The following TNNI1 variants were observed in gnomAD, a reference collection of about 807,000 sequenced individuals.
TNNI1 encodes the protein troponin I, slow skeletal muscle.
Under a neutral mutation model 26.7 loss-of-function variants are expected in TNNI1, and 14 were observed. That is an observed-to-expected ratio of 0.52 (90% CI 0.35 to 0.82). The LOEUF (loss-of-function observed/expected upper bound fraction) is 0.82. Among genes scored for constraint, TNNI1 ranks in the 40% least tolerant of loss-of-function variants. The pLI is 0.01. For missense variants in TNNI1, 164 were observed against 257.0 expected (o/e 0.64, Z 2.47); for synonymous variants, 79 against 98.2 (o/e 0.80, Z 1.16).
At chr1:201,410,784 G>A (rs1260297565) in intron 7 of TNNI1, among the ~76,000 whole-genome samples, 3 of 152,196 alleles carry the variant, frequency 2.0e-5, no homozygotes, top group Non-Finnish European at 2.9e-5. Flanking sequence ...GTCTTCCCCT[G>A]CAAATGCGGC....
In TNNI1 at chr1:201,408,195, A is replaced by T. The variant is rs576120802; in HGVS notation, c.*1058T>A. 1 of 152,674 alleles carries T rather than the reference A, an allele frequency of 6.5e-6. No homozygotes were observed. Among genetic ancestry groups the T allele is most frequent in the East Asian group, 1.9e-4 (1 of 5,192 alleles). The allele number at this position is 152,674 out of a possible 1,614,324, so 9.5% of individuals were successfully genotyped here. On this transcript the variant is annotated 3_prime_UTR_variant, in exon 9 of 9. Coordinates refer to ENST00000361379, the MANE Select transcript of TNNI1 (RefSeq NM_003281.4). ...GCTCTCACCAGGCTTTGGACCCAGG[A>T]GGTAGTGGGATGGAGAAAGGACCTG... is the stretch of plus-strand genomic sequence containing the variant.
chr1:201,417,821 C>T lies in TNNI1; in HGVS notation c.-19-9G>A, dbSNP rs780373143. On this transcript the variant is annotated splice_polypyrimidine_tract_variant and intron_variant, in intron 1 of 8. Transcript: ENST00000361379. ...TGGCAGTGAGACAGCACCTAGGGGG[C>T]ACAGAGGAATCATTCATAAGGGAAA... 48 of 1,312,672 alleles carry T rather than the reference C, an allele frequency of 3.7e-5. No homozygotes were observed. The highest frequency in any genetic ancestry group is 4.4e-5 in the Non-Finnish European group (45 of 1,021,648). 81.3% of individuals were successfully genotyped at this position (1,312,672 alleles called of 1,614,324 possible). A position where few individuals can be genotyped will look rare whatever the true frequency, so the allele number is the denominator to read the frequency against.
rs1367389875 is a variant in TNNI1 at position 201,412,100 on chromosome 1, C to T, written c.280-567G>A. Among the ~76,000 whole-genome samples, 8 of 152,206 alleles carry T rather than the reference C, an allele frequency of 5.3e-5. No individual in the cohort carries two copies. The South Asian group carries it at 6.2e-4, about 12-fold the overall frequency. ...AAGTGGACAGATAAAGCCTATTAGCCGTTGCTAACACTATAGCCTTGAATA... is the reference window on the plus strand; with the variant it reads ...AAGTGGACAGATAAAGCCTATTAGCTGTTGCTAACACTATAGCCTTGAATA... On this transcript the variant is annotated intron_variant, in intron 6 of 8. Coordinates refer to ENST00000361379, the MANE Select transcript of TNNI1 (RefSeq NM_003281.4).
At chr1:201,420,223 C>T (rs1486750556) in intron 1 of TNNI1, among the ~76,000 whole-genome samples, 2 of 152,348 alleles carry the variant, frequency 1.3e-5, no homozygotes, top group Non-Finnish European at 2.9e-5. Flanking sequence ...GCCTCACTGA[C>T]AAATGCCAGA....
Position 201,406,685 on chromosome 1 carries a change from A to G in TNNI1, c.*2568T>C, listed in dbSNP as rs1256947. 0.49 allele frequency: 73,831 copies of G among 152,134 alleles called. 18,905 individuals are homozygous for G. The highest frequency in any genetic ancestry group is 0.66 in the African/African-American group (27,448 of 41,500). 9.4% of individuals were successfully genotyped at this position (152,134 alleles called of 1,614,324 possible). On this transcript the variant is annotated 3_prime_UTR_variant, in exon 9 of 9. Coordinates refer to ENST00000361379, the MANE Select transcript of TNNI1 (RefSeq NM_003281.4). ...AGGGCTCTCCAGAGGCCAGGCCCCC[A>G]GCCCAGGCCCCATTCTTGGCTACAA...
chr1:201,415,706 C>T (rs560643670), intron 3 of TNNI1, among the ~76,000 whole-genome samples: 1 of 152,122 alleles, frequency 6.6e-6, no homozygotes, highest in Non-Finnish European at 1.5e-5. Context: ...CTTGATGATC[C>T]GTCATGCTGC....
rs1662561419 is a variant in TNNI1 at position 201,408,273 on chromosome 1, G to A, written c.*980C>T. The A allele has an allele frequency of 6.6e-6, 1 of 152,448 alleles. No individual in the cohort carries two copies. Among genetic ancestry groups the A allele is most frequent in the Admixed American group, 6.5e-5 (1 of 15,284 alleles). The allele number at this position is 152,448 out of a possible 1,614,324, so 9.4% of individuals were successfully genotyped here. A position where few individuals can be genotyped will look rare whatever the true frequency, so the allele number is the denominator to read the frequency against. Reference sequence around the variant, plus strand: ...CATCTCCGGGAAAGAATCAGTCCTGGGGGATAGGACCAGTGCAGGAGTGTG... The same window carrying A: ...CATCTCCGGGAAAGAATCAGTCCTGAGGGATAGGACCAGTGCAGGAGTGTG... On this transcript the variant is annotated 3_prime_UTR_variant, in exon 9 of 9. Coordinates refer to ENST00000361379, the MANE Select transcript of TNNI1 (RefSeq NM_003281.4).
At chr1:201,417,644 G>C in intron 2 of TNNI1, 139 bp downstream of exon 2, 1 of 637,490 alleles carries the variant, frequency 1.6e-6, no homozygotes, top group South Asian at 8.2e-5. Flanking sequence ...AAACCATCAA[G>C]TGCTGCCCCT....
rs995761249 is a variant in TNNI1 at position 201,404,191 on chromosome 1, G to A, written c.*5062C>T. On this transcript the variant is annotated 3_prime_UTR_variant, in exon 9 of 9. Transcript: ENST00000361379. ...GGTTCTGAGGAGCCTCAGAACAGAC[G>A]TTCAACCTCTGGAATCCCCCAGAAA... 10 of 152,242 alleles carry A rather than the reference G, an allele frequency of 6.6e-5. No homozygotes were observed. In the East Asian group the frequency reaches 1.9e-3, roughly 29 times the overall value. 9.4% of individuals were successfully genotyped at this position (152,242 alleles called of 1,614,324 possible). A position where few individuals can be genotyped will look rare whatever the true frequency, so the allele number is the denominator to read the frequency against.
At position 201,404,005 on chromosome 1, in the gene TNNI1, C is replaced by T. The variant is rs1013740160; in HGVS notation, c.*5248G>A. On this transcript the variant is annotated 3_prime_UTR_variant, in exon 9 of 9. Transcript: ENST00000361379. ...GGTGTTCACTTTACGATTCTTTATA[C>T]GTACATTAAAAACGTATGCGTGTCC... 3.9e-5 allele frequency: 6 copies of T among 152,114 alleles called. No homozygotes were observed. The highest frequency in any genetic ancestry group is 7.2e-5 in the African/African-American group (3 of 41,410). The allele number at this position is 152,114 out of a possible 1,614,324, so 9.4% of individuals were successfully genotyped here.
chr1:201,415,728 G>A (rs962616120), intron 3 of TNNI1, among the ~76,000 whole-genome samples: 3 of 152,198 alleles, frequency 2.0e-5, no homozygotes, highest in African/African-American at 7.2e-5. Flanking sequence ...TAAATAAGCT[G>A]TGAATTTCCC....
chr1:201,411,238 C>CGG lies in TNNI1; in HGVS notation c.456+118_456+119insCC. The CGG allele has an allele frequency of 9.8e-6, 10 of 1,025,264 alleles. No homozygotes were observed. The highest frequency in any genetic ancestry group is 1.5e-5 in the Non-Finnish European group (10 of 683,298). The allele number at this position is 1,025,264 out of a possible 1,614,324, so 63.5% of individuals were successfully genotyped here. On this transcript the variant is annotated intron_variant, in intron 7 of 8. Coordinates refer to ENST00000361379, the MANE Select transcript of TNNI1 (RefSeq NM_003281.4). The surrounding 1 kb of genome is among the most constrained non-coding windows in gnomAD (Gnocchi z 4.6). ...CCCAAAGCATTCTAGAATGTTCTGT[C>CGG]TGTCAAGCTGACTGGTCTCCAACAG...
At chr1:201,412,108 A>T (rs1662644712) in intron 6 of TNNI1, among the ~76,000 whole-genome samples, 2 of 152,222 alleles carry the variant, frequency 1.3e-5, no homozygotes, top group Admixed American at 1.3e-4. Context: ...GCCGTTGCTA[A>T]CACTATAGCC....
Position 201,406,746 on chromosome 1 carries a change from C to T in TNNI1, c.*2507G>A, listed in dbSNP as rs981641013. On this transcript the variant is annotated 3_prime_UTR_variant, in exon 9 of 9. Transcript: ENST00000361379. Reference sequence around the variant, plus strand: ...CATAGATCCCTCTCCCACCCCCAAGCTCTCCTTCCCCTTGTCCACAGGGCC... The same window carrying T: ...CATAGATCCCTCTCCCACCCCCAAGTTCTCCTTCCCCTTGTCCACAGGGCC... 1.0e-4 allele frequency: 16 copies of T among 152,500 alleles called. No individual in the cohort carries two copies. The highest frequency in any genetic ancestry group is 1.8e-4 in the Non-Finnish European group (12 of 68,216). The allele number at this position is 152,500 out of a possible 1,614,324, so 9.4% of individuals were successfully genotyped here. A position where few individuals can be genotyped will look rare whatever the true frequency, so the allele number is the denominator to read the frequency against.
Position 201,411,180 on chromosome 1 carries a change from G to A in TNNI1, c.456+177C>T, listed in dbSNP as rs374261620. 3.1e-4 allele frequency among the ~76,000 whole-genome samples: 47 copies of A among 152,352 alleles called. No homozygotes were observed. The East Asian group carries it at 8.1e-3, about 26-fold the overall frequency. On this transcript the variant is annotated intron_variant, in intron 7 of 8. Transcript: ENST00000361379. The surrounding 1 kb of genome is among the most constrained non-coding windows in gnomAD (Gnocchi z 4.6). ...ACTGGGAACAGCCTGAAGGAAGGGA[G>A]CAAATCTTCTTTCTTTCTTCCCACA... is the stretch of plus-strand genomic sequence containing the variant.
In TNNI1 at chr1:201,411,244, A is replaced by T; in HGVS notation, c.456+113T>A. 9.1e-7 allele frequency: 1 copy of T among 1,097,872 alleles called. No homozygotes were observed. Among genetic ancestry groups the T allele is most frequent in the South Asian group, 1.5e-5 (1 of 68,962 alleles). 68.0% of individuals were successfully genotyped at this position (1,097,872 alleles called of 1,614,324 possible). A position where few individuals can be genotyped will look rare whatever the true frequency, so the allele number is the denominator to read the frequency against. ...GCATTCTAGAATGTTCTGTCTGTCAAGCTGACTGGTCTCCAACAGGAGCTC... is the reference window on the plus strand; with the variant it reads ...GCATTCTAGAATGTTCTGTCTGTCATGCTGACTGGTCTCCAACAGGAGCTC... On this transcript the variant is annotated intron_variant, in intron 7 of 8. Coordinates refer to ENST00000361379, the MANE Select transcript of TNNI1 (RefSeq NM_003281.4). This position sits in a 1 kb window ranked among gnomAD's most constrained non-coding sequence, Gnocchi z 4.6.
intron 1 of TNNI1, among the ~76,000 whole-genome samples, chr1:201,418,197 G>A (rs577715265): frequency 1.2e-4 from 19 of 152,222 alleles, no homozygotes; most frequent in African/African-American, 2.9e-4. Flanking sequence ...GCAGCTGGGC[G>A]CAGTGGCTCA....
At chr1:201,421,016 C>G (rs1236726981) in intron 1 of TNNI1, among the ~76,000 whole-genome samples, 1 of 152,200 alleles carries the variant, frequency 6.6e-6, no homozygotes. Context: ...AGAGGACCCC[C>G]AGTATCTACT....
intron 4 of TNNI1, 134 bp from the exon 5 acceptor site, chr1:201,414,783 G>T: frequency 7.1e-7 from 1 of 1,406,494 alleles, no homozygotes; most frequent in Non-Finnish European, 9.6e-7. Flanking sequence ...AGCAGCCATG[G>T]ACAGGCCACC....
Sources: allele counts gnomAD v4.1 joint callset (sites outside exome capture counted in the v4.1 genomes callset), GRCh38; gene constraint gnomAD v4.1.1; non-coding constraint Gnocchi (gnomAD v3.1); transcripts MANE v1.5; gene names NCBI Gene and HGNC (gene_info 2026-07-23, HGNC 2026-07-21).